ADAM22: variants seen among roughly 807,000 people sequenced by gnomAD.
ADAM22 encodes ADAM metallopeptidase domain 22.
In ADAM22, 65 loss-of-function variants were observed where a neutral mutation model predicts 144.6. That is an observed-to-expected ratio of 0.45 (90% CI 0.37 to 0.55). The LOEUF is 0.55. Ranked by LOEUF, ADAM22 falls within the 20% of genes least tolerant of loss-of-function variation. The pLI, the probability that ADAM22 is intolerant of heterozygous loss-of-function variation, is 0.00. For synonymous variants in ADAM22, 391 were observed against 412.6 expected, an observed-to-expected ratio of 0.95 and a Z score of 0.63; for missense variants, 974 against 1,184.9, an observed-to-expected ratio of 0.82 and a Z score of 2.61.
intron 13 of ADAM22, 145 bp downstream of exon 13, chr7:88,134,564 G>A: frequency 5.3e-6 from 3 of 564,370 alleles, no homozygotes; most frequent in South Asian, 2.2e-5. Flanking sequence ...ACAAACTGTT[G>A]TTTTCCAAAG....
rs547381621 is a variant in ADAM22, at chr7:87,963,555, G to A, written c.247-14781G>A. Among the ~76,000 whole-genome samples, 24 of 152,264 alleles carry A rather than the reference G, an allele frequency of 1.6e-4. No individual in the cohort carries two copies. The East Asian group carries it at 3.9e-3, about 24-fold the overall frequency. ...CTTTCTTTAACCCAGCATGTCAAAT[G>A]TACAGAATCCTCATTAAACTGCACT... is the stretch of plus-strand genomic sequence containing the variant. On this transcript the variant is annotated intron_variant, in intron 2 of 31. Coordinates refer to ENST00000413139, the MANE Select transcript of ADAM22 (RefSeq NM_001324418.2).
chr7:87,973,202 G>T (rs929087369), intron 2 of ADAM22, among the ~76,000 whole-genome samples: 2 of 151,944 alleles, frequency 1.3e-5, no homozygotes, highest in Non-Finnish European at 2.9e-5. Context: ...TCTGACAAAG[G>T]GCTAATATCC....
At chr7:87,936,873 G>T (rs6978584) in intron 2 of ADAM22, among the ~76,000 whole-genome samples, 6,608 of 143,854 alleles carry the variant, frequency 0.046, 234 homozygotes, top group African/African-American at 0.1. Context: ...TATATATATA[G>T]AGAGAGAGAG....
intron 4 of ADAM22, among the ~76,000 whole-genome samples, chr7:88,101,776 G>T (rs1822992815): frequency 6.6e-6 from 1 of 152,236 alleles, no homozygotes; most frequent in Non-Finnish European, 1.5e-5. Context: ...GCTTAGCAGT[G>T]AGGAGCTTCA....
At chr7:88,185,612 T>TCTACA (rs1272194498) in intron 29 of ADAM22, among the ~76,000 whole-genome samples, 9 of 152,250 alleles carry the variant, frequency 5.9e-5, no homozygotes, top group Non-Finnish European at 1.0e-4. Context: ...CAGTATGGAA[T>TCTACA]TTGTTAAATC....
intron 4 of ADAM22, among the ~76,000 whole-genome samples, chr7:88,106,095 C>A (rs557891144): frequency 2.2e-3 from 333 of 152,306 alleles, no homozygotes; most frequent in Non-Finnish European, 3.4e-3. Flanking sequence ...ATCTACACTA[C>A]ACTGGTGCTC....
intron 3 of ADAM22, among the ~76,000 whole-genome samples, chr7:88,041,497 C>T (rs188056523): frequency 1.3e-5 from 2 of 151,948 alleles, no homozygotes; most frequent in Admixed American, 1.3e-4. Flanking sequence ...ATATACTCAT[C>T]TATATCTATA....
At chr7:87,941,920 G>C (rs546274254) in intron 2 of ADAM22, among the ~76,000 whole-genome samples, 1 of 152,260 alleles carries the variant, frequency 6.6e-6, no homozygotes, top group South Asian at 2.1e-4. Flanking sequence ...AATGCCAAGA[G>C]TTCTCCTGTT....
At chr7:88,031,896 G>T (rs556320159) in intron 3 of ADAM22, among the ~76,000 whole-genome samples, 5 of 152,240 alleles carry the variant, frequency 3.3e-5, no homozygotes, top group Non-Finnish European at 7.3e-5. Flanking sequence ...GCTCCAGAGG[G>T]TGCAAGCTGG....
intron 22 of ADAM22, among the ~76,000 whole-genome samples, chr7:88,156,300 T>C (rs1280965382): frequency 6.6e-6 from 1 of 152,140 alleles, no homozygotes; most frequent in Admixed American, 6.5e-5. Context: ...TCTAGGTAAA[T>C]CAGTGTATTA....
At chr7:88,158,168 A>C (rs1840520343) in intron 22 of ADAM22, among the ~76,000 whole-genome samples, 3 of 152,172 alleles carry the variant, frequency 2.0e-5, no homozygotes, top group Non-Finnish European at 4.4e-5. Context: ...GGCATTATGT[A>C]ATGGTAGAGG....
intron 2 of ADAM22, among the ~76,000 whole-genome samples, chr7:87,973,893 A>C (rs1433999365): frequency 6.6e-6 from 1 of 151,862 alleles, no homozygotes; most frequent in African/African-American, 2.4e-5. Flanking sequence ...AACAATGAGA[A>C]CACATGAACA....
chr7:88,107,485 G>A (rs1023893030), intron 4 of ADAM22, among the ~76,000 whole-genome samples: 2 of 152,156 alleles, frequency 1.3e-5, no homozygotes, highest in East Asian at 1.9e-4. Flanking sequence ...AGAGGCATGA[G>A]CCACTGCACC....
At chr7:88,131,549 A>T (rs182188285) in intron 11 of ADAM22, 114 bp downstream of exon 11, 3 of 1,112,818 alleles carry the variant, frequency 2.7e-6, no homozygotes, top group South Asian at 3.2e-5. Context: ...GACATGGCAG[A>T]TGGCAGATAG....
At chr7:88,072,750 G>A (rs1024008091) in intron 3 of ADAM22, among the ~76,000 whole-genome samples, 1 of 152,154 alleles carries the variant, frequency 6.6e-6, no homozygotes, top group Admixed American at 6.5e-5. Flanking sequence ...GGCTGGCTCT[G>A]CTGATAAACA....
chr7:88,196,479 G>A lies in ADAM22; in HGVS notation c.2883G>A (p.Glu961=). The A allele has an allele frequency of 6.2e-7, 1 of 1,614,098 alleles. No homozygotes were observed. Among genetic ancestry groups the A allele is most frequent in the Non-Finnish European group, 8.5e-7 (1 of 1,180,016 alleles). Residue 961 remains glutamate, a synonymous_variant, in exon 32 of 32, where the codon GAG becomes GAA. Transcript: ENST00000413139. ...TCTTTTCTGTTGTGCAGCTATGGGA[G>A]ACATCCATTTAAGATCAACTGTTTA... ...KVNRQSARLW[E]TSI
intron 3 of ADAM22, among the ~76,000 whole-genome samples, chr7:88,009,271 C>T (rs916612148): frequency 2.0e-5 from 3 of 152,296 alleles, no homozygotes; most frequent in Admixed American, 6.5e-5. Context: ...CAGTATTTCA[C>T]AAGTCAGTCA....
intron 2 of ADAM22, among the ~76,000 whole-genome samples, chr7:87,945,764 C>G (rs958824543): frequency 6.6e-6 from 1 of 152,130 alleles, no homozygotes; most frequent in African/African-American, 2.4e-5. Context: ...CCACCCGCCT[C>G]GGCCTCCCAA....
chr7:88,055,378 C>T (rs543243870), intron 3 of ADAM22, among the ~76,000 whole-genome samples: 127 of 151,874 alleles, frequency 8.4e-4, no homozygotes, highest in Non-Finnish European at 1.4e-3. Flanking sequence ...AAAAAAAAAT[C>T]GCTTTTTTTT....
Sources: allele counts gnomAD v4.1 joint callset (sites outside exome capture counted in the v4.1 genomes callset), GRCh38; gene constraint gnomAD v4.1.1; transcripts MANE v1.5; gene names NCBI Gene and HGNC (gene_info 2026-07-23, HGNC 2026-07-21).